VWA8: variants seen among roughly 807,000 people sequenced by gnomAD.
VWA8 encodes von Willebrand factor A domain-containing protein 8.
VWA8 carries 221 observed loss-of-function variants against 241.5 expected under a neutral mutation model. The ratio of observed to expected loss-of-function variants is 0.91; its 90% confidence interval spans 0.82 to 1.02. The LOEUF (loss-of-function observed/expected upper bound fraction) is 1.02. VWA8 is among the 50% of genes least tolerant of loss of function. VWA8 has a pLI of 0.00. For synonymous variants in VWA8, 852 were observed against 827.1 expected, an observed-to-expected ratio of 1.03 and a Z score of -0.52; for missense variants, 2,322 against 2,328.7, an observed-to-expected ratio of 1.00 and a Z score of 0.06.
chr13:41,581,672 C>T (rs2139640887), intron 42 of VWA8, among the ~76,000 whole-genome samples: 1 of 149,952 alleles, frequency 6.7e-6, no homozygotes, highest in East Asian at 1.9e-4. Context: ...TATATGCCTT[C>T]ACAGAAACAA....
chr13:41,910,458 G>C (rs1219941968), intron 3 of VWA8, among the ~76,000 whole-genome samples: 1 of 151,826 alleles, frequency 6.6e-6, no homozygotes, highest in Non-Finnish European at 1.5e-5. Context: ...GGTGGCATGC[G>C]TCAGTAGTCC....
intron 21 of VWA8, among the ~76,000 whole-genome samples, chr13:41,758,236 C>G (rs1593750035): frequency 6.6e-6 from 1 of 150,454 alleles, no homozygotes; most frequent in Admixed American, 6.6e-5. Context: ...GTCTATTGAC[C>G]TTGTTACACA....
At chr13:41,714,581 T>C (rs1463360915) in intron 26 of VWA8, among the ~76,000 whole-genome samples, 1 of 152,036 alleles carries the variant, frequency 6.6e-6, no homozygotes, top group African/African-American at 2.4e-5. Context: ...ATGGCTAGTA[T>C]ACTTCTTATA....
rs1242263993 is a variant in VWA8 at position 41,841,820 on chromosome 13, AATATATATATATATATATATATAT to A, written c.1426-8313_1426-8290del. ...AAAAAAAAAAAAAAAAAAAAAAAAAAATATATATATATATATATATATATATATATATATATATAAAAACAGTAG... is the reference window on the plus strand; with the variant it reads ...AAAAAAAAAAAAAAAAAAAAAAAAAAATATATATATATATAAAAACAGTAG... On this transcript the variant is annotated intron_variant, in intron 12 of 44. Transcript: ENST00000379310. Among the ~76,000 whole-genome samples the A allele has an allele frequency of 8.1e-4, 18 of 22,224 alleles. 1 individual carries two copies. Among genetic ancestry groups the A allele is most frequent in the African/African-American group, 2.9e-3 (17 of 5,822 alleles). The allele number at this position is 22,224 out of a possible 152,430, so 14.6% of individuals were successfully genotyped here. A position where few individuals can be genotyped will look rare whatever the true frequency, so the allele number is the denominator to read the frequency against.
At chr13:41,669,186 T>C (rs765050495) in intron 37 of VWA8, among the ~76,000 whole-genome samples, 9 of 152,336 alleles carry the variant, frequency 5.9e-5, no homozygotes, top group Non-Finnish European at 8.8e-5. Flanking sequence ...TGGAAAATGT[T>C]TGGTTTAGGG....
At chr13:41,873,850 CT>C in intron 9 of VWA8, among the ~76,000 whole-genome samples, 1 of 152,238 alleles carries the variant, frequency 6.6e-6, no homozygotes, top group Admixed American at 6.5e-5. Context: ...CAGCACCATC[CT>C]GATACCAAAG....
intron 17 of VWA8, among the ~76,000 whole-genome samples, chr13:41,796,885 C>T (rs1223079165): frequency 1.3e-5 from 2 of 150,580 alleles, no homozygotes; most frequent in African/African-American, 4.9e-5. Flanking sequence ...ATTCTAATTT[C>T]TTCTTTTGAT....
intron 42 of VWA8, among the ~76,000 whole-genome samples, chr13:41,581,210 C>G (rs61963022): frequency 0.02 from 1,713 of 84,304 alleles, 263 homozygotes; most frequent in Non-Finnish European, 0.027. Context: ...CACCGTGTTA[C>G]CCAGGATGGT....
intron 26 of VWA8, among the ~76,000 whole-genome samples, chr13:41,718,782 A>G (rs2137845388): frequency 6.6e-6 from 1 of 151,618 alleles, no homozygotes; most frequent in Non-Finnish European, 1.5e-5. Context: ...TATATTTAAC[A>G]CATTTTTTTC....
At chr13:41,719,457 C>G in intron 26 of VWA8, 134 bp downstream of exon 26, 1 of 1,492,262 alleles carries the variant, frequency 6.7e-7, no homozygotes, top group Non-Finnish European at 8.9e-7. Context: ...AGCCAGCAAA[C>G]AGCAACATAT....
At chr13:41,649,488 G>A (rs547499841) in intron 37 of VWA8, among the ~76,000 whole-genome samples, 2 of 152,016 alleles carry the variant, frequency 1.3e-5, no homozygotes, top group Non-Finnish European at 2.9e-5. Flanking sequence ...TAGTCAGGCA[G>A]ATAATAATAT....
At chr13:41,893,915 G>GT (rs1443532281) in intron 4 of VWA8, among the ~76,000 whole-genome samples, 2 of 152,034 alleles carry the variant, frequency 1.3e-5, no homozygotes, top group Non-Finnish European at 2.9e-5. Context: ...TTCAGTTAAG[G>GT]TTTCAATTAA....
At chr13:41,773,032 T>C (rs1457607139) in intron 20 of VWA8, among the ~76,000 whole-genome samples, 1 of 152,164 alleles carries the variant, frequency 6.6e-6, no homozygotes, top group Non-Finnish European at 1.5e-5. Flanking sequence ...CAGTTTCTGG[T>C]TTGCAAACAG....
At chr13:41,754,986 A>G (rs2045684000) in intron 21 of VWA8, among the ~76,000 whole-genome samples, 1 of 151,852 alleles carries the variant, frequency 6.6e-6, no homozygotes, top group Non-Finnish European at 1.5e-5. Context: ...TATATATCAC[A>G]TTTTCTTTTT....
At chr13:41,956,294 G>A (rs1053290331) in intron 1 of VWA8, among the ~76,000 whole-genome samples, 1 of 152,152 alleles carries the variant, frequency 6.6e-6, no homozygotes, top group Non-Finnish European at 1.5e-5. Context: ...CCCTGAGGGG[G>A]AGAAATCACC....
intron 37 of VWA8, among the ~76,000 whole-genome samples, chr13:41,643,056 C>G (rs2044807249): frequency 6.6e-6 from 1 of 152,132 alleles, no homozygotes; most frequent in African/African-American, 2.4e-5. Context: ...TTTTAAGGTC[C>G]TTCTATAGAC....
chr13:41,584,448 C>T lies in VWA8; in HGVS notation c.5271+3064G>A, dbSNP rs149011841. Among the ~76,000 whole-genome samples, 741 of 152,200 alleles carry T rather than the reference C, an allele frequency of 4.9e-3. 6 individuals carry two copies. Among genetic ancestry groups the T allele is most frequent in the Non-Finnish European group, 8.6e-3 (582 of 68,000 alleles). ...ACAGGACTCATATGCCTTGCTGGGT[C>T]CACCTTGTCCCTCCAGACACTCACC... On this transcript the variant is annotated intron_variant, in intron 42 of 44. Transcript: ENST00000379310.
chr13:41,832,915 A>G (rs1396501875), intron 13 of VWA8, among the ~76,000 whole-genome samples: 1 of 151,770 alleles, frequency 6.6e-6, no homozygotes, highest in Non-Finnish European at 1.5e-5. Flanking sequence ...GCTATTATAT[A>G]TTTTACAAAC....
chr13:41,739,486 TG>T (rs774040907), intron 21 of VWA8, among the ~76,000 whole-genome samples: 80 of 152,320 alleles, frequency 5.3e-4, no homozygotes, highest in Admixed American at 2.5e-3. Flanking sequence ...TAATATTATT[TG>T]ATATACTCTA....
Sources: gnomAD v4.1 joint callset for allele counts (sites outside exome capture counted in the v4.1 genomes callset) on GRCh38, gnomAD v4.1.1 for gene constraint, MANE v1.5 for transcripts, NCBI Gene and HGNC (gene_info 2026-07-23, HGNC 2026-07-21) for gene names.